PRELID2: variants seen among roughly 807,000 people sequenced by gnomAD.
PRELID2 encodes the protein PRELI domain-containing protein 2.
Under a neutral mutation model 28.4 loss-of-function variants are expected in PRELID2, and 25 were observed. The ratio of observed to expected loss-of-function variants is 0.88; its 90% CI spans 0.64 to 1.23. The LOEUF is 1.23. PRELID2 is among the 50% of genes most tolerant of loss of function. PRELID2 has a pLI of 0.00. For synonymous variants in PRELID2, 76 were observed against 71.6 expected, an observed-to-expected ratio of 1.06 and a Z score of -0.31; for missense variants, 201 against 214.4, an observed-to-expected ratio of 0.94 and a Z score of 0.39.
chr5:145,532,140 C>A (rs879223791), intron 1 of PRELID2, among the ~76,000 whole-genome samples: 2 of 152,002 alleles, frequency 1.3e-5, no homozygotes, highest in Admixed American at 1.3e-4. Context: ...GTCTCTAATG[C>A]GGTGGTTAAA....
chr5:145,646,862 T>C (rs564554725), intron 1 of PRELID2, among the ~76,000 whole-genome samples: 8 of 151,256 alleles, frequency 5.3e-5, no homozygotes, highest in African/African-American at 1.7e-4. Flanking sequence ...CAGTACAGCA[T>C]AGATTGCTGC....
chr5:145,559,127 C>T (rs1033620232), intron 1 of PRELID2, among the ~76,000 whole-genome samples: 6 of 151,778 alleles, frequency 4.0e-5, no homozygotes, highest in Non-Finnish European at 8.8e-5. Flanking sequence ...TAGTGGCAGG[C>T]GCCTGTAGTG....
the PRELID2 span, among the ~76,000 whole-genome samples, chr5:145,278,966 G>A: frequency 6.4e-4 from 97 of 152,208 alleles, no homozygotes; most frequent in East Asian, 0.014. Flanking sequence ...CTCTGACCCC[G>A]AACAAAAACA....
the PRELID2 span, among the ~76,000 whole-genome samples, chr5:145,446,708 C>T: frequency 3.3e-5 from 5 of 151,872 alleles, no homozygotes; most frequent in East Asian, 6.0e-4. Context: ...GAGCTTCCAT[C>T]GATTAAAATG....
chr5:145,298,010 G>A, the PRELID2 span, among the ~76,000 whole-genome samples: 14 of 152,108 alleles, frequency 9.2e-5, no homozygotes, highest in African/African-American at 3.1e-4. Flanking sequence ...CTCATGGGTA[G>A]GAAGAATCAA....
intron 1 of PRELID2, among the ~76,000 whole-genome samples, chr5:145,492,772 T>G: frequency 7.1e-6 from 1 of 141,074 alleles, no homozygotes; most frequent in East Asian, 2.0e-4. Context: ...AATCTAGGGC[T>G]GCTGTTGTCG....
intron 1 of PRELID2, among the ~76,000 whole-genome samples, chr5:145,660,018 C>T (rs1290982005): frequency 2.0e-5 from 3 of 152,162 alleles, no homozygotes; most frequent in African/African-American, 7.2e-5. Context: ...TATTGAGCTA[C>T]AGTGTCAAAG....
At chr5:145,779,611 G>A (rs1403420819) in intron 5 of PRELID2, among the ~76,000 whole-genome samples, 3 of 152,174 alleles carry the variant, frequency 2.0e-5, no homozygotes, top group Admixed American at 6.5e-5. Context: ...ATTTGCGTAT[G>A]AGACTAGAAG....
chr5:145,423,987 A>G, the PRELID2 span, among the ~76,000 whole-genome samples: 1 of 151,310 alleles, frequency 6.6e-6, no homozygotes, highest in African/African-American at 2.4e-5. Context: ...CTGTTGGAGT[A>G]CCCTGCCGTG....
intron 1 of PRELID2, among the ~76,000 whole-genome samples, chr5:145,642,555 A>G (rs1468882981): frequency 1.3e-5 from 2 of 152,104 alleles, no homozygotes; most frequent in Non-Finnish European, 2.9e-5. Flanking sequence ...TTTTGTTGCC[A>G]TTGCTTTTGG....
chr5:145,726,904 C>A (rs771584824), intron 1 of PRELID2, among the ~76,000 whole-genome samples: 1 of 152,174 alleles, frequency 6.6e-6, no homozygotes, highest in African/African-American at 2.4e-5. Flanking sequence ...TAAATTATAA[C>A]ATTTCATTGT....
chr5:145,421,867 T>C, the PRELID2 span, among the ~76,000 whole-genome samples: 1 of 149,198 alleles, frequency 6.7e-6, no homozygotes, highest in African/African-American at 2.5e-5. Context: ...CTTGTGGGCA[T>C]TTAGTGCTAT....
At chr5:145,266,522 C>A in the PRELID2 span, among the ~76,000 whole-genome samples, 2 of 151,916 alleles carry the variant, frequency 1.3e-5, no homozygotes, top group African/African-American at 2.4e-5. Flanking sequence ...TGGTCATAAT[C>A]AAAAAATCCA....
At chr5:145,397,086 C>T in the PRELID2 span, among the ~76,000 whole-genome samples, 4 of 152,088 alleles carry the variant, frequency 2.6e-5, no homozygotes, top group African/African-American at 9.7e-5. Flanking sequence ...GCCCAGAGCA[C>T]CCTCCAGACA....
intron 2 of PRELID2, among the ~76,000 whole-genome samples, chr5:145,821,259 ATG>A (rs957137666): frequency 4.1e-5 from 3 of 72,544 alleles, no homozygotes; most frequent in Non-Finnish European, 9.1e-5. Flanking sequence ...TTCTGTGTGT[ATG>A]TGTGTGTAAG....
the PRELID2 span, among the ~76,000 whole-genome samples, chr5:145,419,898 G>T: frequency 6.6e-6 from 1 of 151,586 alleles, no homozygotes; most frequent in African/African-American, 2.4e-5. Flanking sequence ...ATCTTGAATT[G>T]ATTTTTGTAT....
At chr5:145,559,480 ATG>A (rs1752908694) in intron 1 of PRELID2, among the ~76,000 whole-genome samples, 1 of 152,188 alleles carries the variant, frequency 6.6e-6, no homozygotes, top group Non-Finnish European at 1.5e-5. Flanking sequence ...TGTTTAAAAT[ATG>A]TGTCATATAT....
chr5:145,426,582 T>C, the PRELID2 span, among the ~76,000 whole-genome samples: 1 of 152,230 alleles, frequency 6.6e-6, no homozygotes, highest in Non-Finnish European at 1.5e-5. Context: ...TTATGGTACA[T>C]TGCCTATATG....
chr5:145,695,334 A>AAG (rs888139571), intron 1 of PRELID2, among the ~76,000 whole-genome samples: 131 of 152,370 alleles, frequency 8.6e-4, no homozygotes, highest in Non-Finnish European at 2.8e-4. Flanking sequence ...TGAGGCAGAA[A>AAG]AGAGCTTGGT....
Sources: allele counts gnomAD v4.1 joint callset (sites outside exome capture counted in the v4.1 genomes callset), GRCh38; gene constraint gnomAD v4.1.1; transcripts MANE v1.5; gene names NCBI Gene and HGNC (gene_info 2026-07-23, HGNC 2026-07-21).